The following SPMAP2L variants were observed in gnomAD, a reference collection of about 807,000 sequenced individuals.
SPMAP2L encodes the protein sperm microtubule associated protein 2 like, also known as sperm microtubule associated protein 2-like.
At chr4:56,595,503 A>G in the SPMAP2L span, 1 of 1,546,036 alleles carries the variant, frequency 6.5e-7, no homozygotes, top group Admixed American at 1.7e-5. Context: ...AGATGTCTCC[A>G]CACTCCCTGA....
chr4:56,559,824 C>T, the SPMAP2L span, among the ~76,000 whole-genome samples: 6 of 152,262 alleles, frequency 3.9e-5, no homozygotes, highest in Middle Eastern at 3.4e-3. Context: ...GCCTTGGCCT[C>T]CCAAAGTGCT....
chr4:56,550,253 G>C, the SPMAP2L span, among the ~76,000 whole-genome samples: 4 of 152,094 alleles, frequency 2.6e-5, no homozygotes, highest in Non-Finnish European at 4.4e-5. Flanking sequence ...CTCCTGAAGT[G>C]CTGGCATTAT....
At chr4:56,544,459 A>C in the SPMAP2L span, among the ~76,000 whole-genome samples, 1 of 152,144 alleles carries the variant, frequency 6.6e-6, no homozygotes, top group African/African-American at 2.4e-5. Flanking sequence ...TTCACTGGAA[A>C]CTATTTTTTT....
At chr4:56,547,100 A>G in the SPMAP2L span, among the ~76,000 whole-genome samples, 1 of 152,166 alleles carries the variant, frequency 6.6e-6, no homozygotes, top group South Asian at 2.1e-4. Flanking sequence ...TGTGTTTCCT[A>G]CAGTGCTCTA....
the SPMAP2L span, chr4:56,552,758 A>T: frequency 1.5e-5 from 9 of 607,856 alleles, no homozygotes; most frequent in East Asian, 2.5e-4. Flanking sequence ...GTAAAAGGCT[A>T]ACCCTTGGTC....
chr4:56,601,359 C>G, the SPMAP2L span, among the ~76,000 whole-genome samples: 1 of 152,052 alleles, frequency 6.6e-6, no homozygotes, highest in Non-Finnish European at 1.5e-5. Flanking sequence ...TGGATCACAC[C>G]TGTAATCCTA....
At chr4:56,536,680 C>T in the SPMAP2L span, among the ~76,000 whole-genome samples, 4 of 152,040 alleles carry the variant, frequency 2.6e-5, no homozygotes, top group African/African-American at 9.7e-5. Context: ...GAGTTAATAC[C>T]CATAAAGGTC....
At chr4:56,562,422 C>T in the SPMAP2L span, among the ~76,000 whole-genome samples, 2 of 150,152 alleles carry the variant, frequency 1.3e-5, no homozygotes, top group Non-Finnish European at 3.0e-5. Flanking sequence ...CTGGTAAAAT[C>T]CTTGATCTTC....
chr4:56,580,716 G>T, the SPMAP2L span, among the ~76,000 whole-genome samples: 2 of 152,030 alleles, frequency 1.3e-5, no homozygotes, highest in Non-Finnish European at 2.9e-5. Context: ...CAGAAATGAC[G>T]TGATCTTGTA....
the SPMAP2L span, chr4:56,593,484 G>A: frequency 1.4e-4 from 228 of 1,596,562 alleles, no homozygotes; most frequent in East Asian, 7.4e-4. Context: ...AAGACTTTAC[G>A]GAACTCGTGG....
At chr4:56,596,713 C>A in the SPMAP2L span, 13 of 1,304,662 alleles carry the variant, frequency 1.0e-5, no homozygotes, top group Non-Finnish European at 1.2e-5. Flanking sequence ...AGGGCATAGC[C>A]CAAAGTCACT....
At chr4:56,551,323 T>A in the SPMAP2L span, among the ~76,000 whole-genome samples, 9 of 152,152 alleles carry the variant, frequency 5.9e-5, no homozygotes, top group Non-Finnish European at 1.2e-4. Context: ...ATCTGTTTGA[T>A]AGGTTTGGGA....
the SPMAP2L span, chr4:56,531,090 G>A: frequency 6.5e-7 from 1 of 1,535,512 alleles, no homozygotes; most frequent in Non-Finnish European, 8.7e-7. Flanking sequence ...AAACCGAGTT[G>A]CTTCCCAGCG....
At chr4:56,594,032 A>G in the SPMAP2L span, 5 of 1,611,476 alleles carry the variant, frequency 3.1e-6, no homozygotes, top group Non-Finnish European at 4.2e-6. Context: ...GCGGCAGATC[A>G]ATTTTCGGCT....
the SPMAP2L span, among the ~76,000 whole-genome samples, chr4:56,582,550 A>G: frequency 6.6e-6 from 1 of 152,048 alleles, no homozygotes; most frequent in African/African-American, 2.4e-5. Flanking sequence ...AAGAAATAAT[A>G]AATCAACAAA....
chr4:56,573,635 A>G, the SPMAP2L span, among the ~76,000 whole-genome samples: 1 of 152,102 alleles, frequency 6.6e-6, no homozygotes, highest in African/African-American at 2.4e-5. Flanking sequence ...TCTAATTCCC[A>G]AACTGAACTG....
the SPMAP2L span, chr4:56,593,274 G>A: frequency 8.8e-5 from 104 of 1,186,304 alleles, 1 homozygote; most frequent in Middle Eastern, 9.9e-4. Flanking sequence ...CTGCAGAGGC[G>A]CTGCAGCTGT....
chr4:56,548,979 TTTTC>T, the SPMAP2L span, among the ~76,000 whole-genome samples: 4 of 150,196 alleles, frequency 2.7e-5, no homozygotes, highest in Non-Finnish European at 5.9e-5. Flanking sequence ...CTTTCTTTTC[TTTTC>T]TTTCTTTCTT....
chr4:56,593,805 C>T, the SPMAP2L span: 7 of 1,602,986 alleles, frequency 4.4e-6, no homozygotes, highest in Non-Finnish European at 6.0e-6. Flanking sequence ...AACATCTGTA[C>T]AGCTCAGGCC....
Sources: allele counts gnomAD v4.1 joint callset (sites outside exome capture counted in the v4.1 genomes callset), GRCh38; gene constraint gnomAD v4.1.1; transcripts MANE v1.5; gene names NCBI Gene and HGNC (gene_info 2026-07-23, HGNC 2026-07-21).